TCTN1: variants seen among roughly 807,000 people sequenced by gnomAD.
TCTN1 encodes tectonic-1.
A neutral mutation model predicts 65.8 loss-of-function variants in TCTN1; 58 were observed. The ratio of observed to expected loss-of-function variants is 0.88; its 90% CI spans 0.71 to 1.10. The LOEUF (loss-of-function observed/expected upper bound fraction) is 1.10. Among genes scored for constraint, TCTN1 ranks in the 50% least tolerant of loss-of-function variants. The pLI is 0.00. For synonymous variants in TCTN1, 273 were observed against 289.1 expected, an observed-to-expected ratio of 0.94 and a Z score of 0.57; for missense variants, 645 against 719.4, an observed-to-expected ratio of 0.90 and a Z score of 1.18.
intron 3 of TCTN1, among the ~76,000 whole-genome samples, chr12:110,626,703 C>T (rs545041523): frequency 3.3e-5 from 5 of 150,000 alleles, no homozygotes; most frequent in Admixed American, 2.7e-4. Flanking sequence ...CCTCAGCCTA[C>T]TGAGTAGCTG....
intron 12 of TCTN1, 39 bp from the exon 13 acceptor site, chr12:110,647,157 T>G: frequency 6.2e-7 from 1 of 1,613,626 alleles, no homozygotes; most frequent in Non-Finnish European, 8.5e-7. Flanking sequence ...GCAGATTAAG[T>G]CTGACTTGCA....
rs1290101898 is a variant in TCTN1 at position 110,645,088 on chromosome 12, T to C, written c.1453T>C (p.Trp485Arg). ...TTCCCAGGCCCAGGACATGCTGGACTGGGTGCCCATCCACTTCATCACCCA... is the reference window on the plus strand; with the variant it reads ...TTCCCAGGCCCAGGACATGCTGGACCGGGTGCCCATCCACTTCATCACCCA... ...GNSQAQDMLD[W>R]VPIHFITQSF... The change falls in exon 12 of 15, where the codon TGG becomes CGG. Residue 485 changes from tryptophan to arginine, a missense_variant. Coordinates refer to ENST00000397659, the MANE Select transcript of TCTN1 (RefSeq NM_001082538.3). 2 of 1,614,032 alleles carry C rather than the reference T, an allele frequency of 1.2e-6. No individual in the cohort carries two copies. The highest frequency in any genetic ancestry group is 1.7e-6 in the Non-Finnish European group (2 of 1,180,032).
At chr12:110,628,632 C>T (rs1300936974) in intron 3 of TCTN1, 135 bp from the exon 4 acceptor site, 5 of 828,134 alleles carry the variant, frequency 6.0e-6, no homozygotes, top group Middle Eastern at 3.7e-4. Flanking sequence ...TGAGCCCATG[C>T]GCCCAGCCAA....
intron 7 of TCTN1, among the ~76,000 whole-genome samples, chr12:110,638,603 A>G (rs2066739048): frequency 6.6e-6 from 1 of 152,186 alleles, no homozygotes; most frequent in South Asian, 2.1e-4. Context: ...AAATCAGCAC[A>G]GCGCTACTGT....
rs2067004288 is a variant in TCTN1 at position 110,642,231 on chromosome 12, C to T, written c.1191-18C>T. ...GCTGCTCTAGCACTAGGCAGTTGTC[C>T]CTTAACTGTCTGTGAATGTCTGGGA... On this transcript the variant is annotated intron_variant, in intron 10 of 14. Coordinates refer to ENST00000397659, the MANE Select transcript of TCTN1 (RefSeq NM_001082538.3). The T allele has an allele frequency of 1.2e-6, 2 of 1,614,044 alleles. No individual in the cohort carries two copies. The highest frequency in any genetic ancestry group is 1.7e-6 in the Non-Finnish European group (2 of 1,180,014).
In TCTN1 at chr12:110,628,758, A is replaced by T. The variant is rs766470328; in HGVS notation, c.473-9A>T. The T allele has an allele frequency of 1.6e-5, 25 of 1,576,266 alleles. No individual in the cohort carries two copies. In the East Asian group the frequency reaches 2.9e-4, roughly 18 times the overall value. ...ACCGATTTAAAATACTGTTTTTTTT[A>T]AAAAACAGATAAACCTGCATTATCC... On this transcript the variant is annotated splice_polypyrimidine_tract_variant and intron_variant, in intron 3 of 14. Coordinates refer to ENST00000397659, the MANE Select transcript of TCTN1 (RefSeq NM_001082538.3).
intron 12 of TCTN1, 72 bp downstream of exon 12, chr12:110,645,201 G>A: frequency 6.3e-7 from 1 of 1,589,686 alleles, no homozygotes; most frequent in East Asian, 2.3e-5. Flanking sequence ...AGGCAGCCGG[G>A]GAAGCCAGCT....
intron 2 of TCTN1, among the ~76,000 whole-genome samples, chr12:110,620,633 A>G (rs1007074075): frequency 2.0e-5 from 3 of 152,122 alleles, no homozygotes; most frequent in South Asian, 2.1e-4. Flanking sequence ...TGTTGTGGAC[A>G]TAGTATTTGT....
chr12:110,639,234 C>A lies in TCTN1; in HGVS notation c.844-1149C>A, dbSNP rs565426630. Among the ~76,000 whole-genome samples the A allele has an allele frequency of 3.3e-4, 50 of 152,318 alleles. No homozygotes were observed. Among genetic ancestry groups the A allele is most frequent in the Non-Finnish European group, 6.2e-4 (42 of 68,024 alleles). ...GGTTTCTAAGAATTGAAGTTTAGAG[C>A]AAATGACAGATTCATCCTATAGTAC... On this transcript the variant is annotated intron_variant, in intron 7 of 14. Transcript: ENST00000397659. This position sits in a 1 kb window ranked among gnomAD's most constrained non-coding sequence, Gnocchi z 4.9.
chr12:110,618,596 A>G (rs1274025516), intron 1 of TCTN1, among the ~76,000 whole-genome samples: 1 of 151,938 alleles, frequency 6.6e-6, no homozygotes, highest in Middle Eastern at 3.2e-3. Flanking sequence ...GGCAGTCTCA[A>G]ACTCCTGACC....
In TCTN1 at chr12:110,641,638, T is replaced by G. The variant is rs780100187; in HGVS notation, c.1190+11T>G. 32 of 1,613,098 alleles carry G rather than the reference T, an allele frequency of 2.0e-5. No homozygotes were observed. The highest frequency in any genetic ancestry group is 2.7e-5 in the Non-Finnish European group (32 of 1,179,008). ...CCAGCCTCATAAGGGATATCCTTTT[T>G]GGTTCTGTAGAGGGTGGATTTATTT... On this transcript the variant is annotated intron_variant, in intron 10 of 14. Transcript: ENST00000397659.
In TCTN1 at chr12:110,647,207, G is replaced by A; in HGVS notation, c.1506G>A (p.Leu502=). ...TAATGGATTAACAGCATTTTGTTTT[G>A]CAGGATTCCTGCCAGCTCCCAGGGG... ...TQSFNRKHFV[L]QDSCQLPGAL... The change falls in exon 13 of 15, where the codon TTG becomes TTA. Residue 502 remains leucine, a synonymous_variant. Transcript: ENST00000397659. 1 of 1,614,160 alleles carries A rather than the reference G, an allele frequency of 6.2e-7. No homozygotes were observed. Among genetic ancestry groups the A allele is most frequent in the East Asian group, 2.2e-5 (1 of 44,880 alleles).
In TCTN1 at chr12:110,626,412, T is replaced by C; in HGVS notation, c.392T>C (p.Phe131Ser). The change falls in exon 3 of 15, where the codon TTT becomes TCT. Residue 131 changes from phenylalanine to serine, a missense_variant. By Grantham distance (155) the Phe-to-Ser change is radical. Transcript: ENST00000397659. Reference protein sequence around the residue: ...SQKAVIYSLNFTANPPQRVFE... With the variant: ...SQKAVIYSLNSTANPPQRVFE... Reference sequence around the variant, plus strand: ...AAAGCAGTCATCTATTCATTGAATTTTACAGCAAACCCACCTCAAAGAGTA... The same window carrying C: ...AAAGCAGTCATCTATTCATTGAATTCTACAGCAAACCCACCTCAAAGAGTA... 1 of 1,607,476 alleles carries C rather than the reference T, an allele frequency of 6.2e-7. No homozygotes were observed. The highest frequency in any genetic ancestry group is 8.5e-7 in the Non-Finnish European group (1 of 1,175,702).
At chr12:110,621,618 G>A (rs372226163) in intron 2 of TCTN1, among the ~76,000 whole-genome samples, 8 of 151,884 alleles carry the variant, frequency 5.3e-5, no homozygotes, top group East Asian at 1.9e-4. Flanking sequence ...GACTACAGGC[G>A]TGTGCCACCA....
chr12:110,634,604 T>A (rs757795540), intron 5 of TCTN1, 66 bp from the exon 6 acceptor site: 53 of 1,337,126 alleles, frequency 4.0e-5, no homozygotes, highest in Middle Eastern at 2.0e-4. Context: ...TTAGTTGCCA[T>A]TGGAAAATTG....
At chr12:110,624,154 T>G (rs1427710888) in intron 2 of TCTN1, among the ~76,000 whole-genome samples, 2 of 151,882 alleles carry the variant, frequency 1.3e-5, no homozygotes, top group African/African-American at 4.8e-5. Context: ...AATCCTGGCT[T>G]CAAGTGATCC....
chr12:110,620,817 T>C (rs1343852222), intron 2 of TCTN1, among the ~76,000 whole-genome samples: 1 of 151,640 alleles, frequency 6.6e-6, no homozygotes, highest in Non-Finnish European at 1.5e-5. Context: ...CTTCTTTTTT[T>C]TTTTTTTTTT....
At chr12:110,629,133 A>T (rs550144548) in intron 4 of TCTN1, 9 of 626,058 alleles carry the variant, frequency 1.4e-5, no homozygotes, top group Non-Finnish European at 2.5e-5. Context: ...ACCTAAAACC[A>T]TACAAACCCT....
chr12:110,647,257 C>T lies in TCTN1; in HGVS notation c.1556C>T (p.Thr519Ile). 2 of 1,614,164 alleles carry T rather than the reference C, an allele frequency of 1.2e-6. No homozygotes were observed. The highest frequency in any genetic ancestry group is 1.7e-6 in the Non-Finnish European group (2 of 1,180,038). The change falls in exon 13 of 15, where the codon ACT becomes ATT. Residue 519 changes from threonine to isoleucine, a missense_variant. Thr to Ile is a moderately conservative substitution (Grantham distance 89). Coordinates refer to ENST00000397659, the MANE Select transcript of TCTN1 (RefSeq NM_001082538.3). ...GCTTTGGTTATAGAAGTGAAGTGGA[C>T]TAAATACGGATCCCTGCTGAATCCA... is the stretch of plus-strand genomic sequence containing the variant. ...PGALVIEVKWTKYGSLLNPQA... is the reference protein window; with the variant it reads ...PGALVIEVKWIKYGSLLNPQA...
Sources: gnomAD v4.1 joint callset for allele counts (sites outside exome capture counted in the v4.1 genomes callset) on GRCh38, gnomAD v4.1.1 for gene constraint, Gnocchi (gnomAD v3.1) non-coding constraint, MANE v1.5 for transcripts, NCBI Gene and HGNC (gene_info 2026-07-23, HGNC 2026-07-21) for gene names.